PET117: variants seen among roughly 807,000 people sequenced by gnomAD.
The protein encoded by PET117 is PET117 cytochrome c oxidase chaperone, also known as protein PET117 homolog, mitochondrial.
PET117 carries 10 observed loss-of-function variants against 9.2 expected under a neutral mutation model. The observed-to-expected ratio is 1.09, with a 90% CI of 0.67 to 1.85. The LOEUF (loss-of-function observed/expected upper bound fraction) is 1.85, where lower values mean the gene tolerates loss of function less well. Among genes scored for constraint, PET117 ranks in the 40% most tolerant of loss-of-function variants. PET117 has a pLI of 0.00. For missense variants in PET117, 96 were observed against 98.2 expected, an observed-to-expected ratio of 0.98 and a Z score of 0.09; for synonymous variants, 43 against 37.1, an observed-to-expected ratio of 1.16 and a Z score of -0.57.
rs184370918 is a variant in PET117 at position 18,138,018 on chromosome 20, C to T, written c.63C>T (p.Ala21=). 4.7e-3 allele frequency: 6,996 copies of T among 1,498,000 alleles called. 24 individuals carry two copies. Among genetic ancestry groups the T allele is most frequent in the Non-Finnish European group, 5.3e-3 (5,970 of 1,130,182 alleles). The allele number at this position is 1,498,000 out of a possible 1,614,324, so 92.8% of individuals were successfully genotyped here. A position where few individuals can be genotyped will look rare whatever the true frequency, so the allele number is the denominator to read the frequency against. Reference sequence around the variant, plus strand: ...TGCTGCTGACGGCGGCCACAGTGGCCGGCGTACATGTGAAGCAGCAGTGGG... The same window carrying T: ...TGCTGCTGACGGCGGCCACAGTGGCTGGCGTACATGTGAAGCAGCAGTGGG... ...LSVLLTAATV[A]GVHVKQQWDQ... Residue 21 remains alanine, a synonymous_variant, in exon 1 of 2, where the codon GCC becomes GCT. Transcript: ENST00000432901.
In PET117 at chr20:18,142,419, G is replaced by A. The variant is rs534345759; in HGVS notation, c.*62G>A. 130 of 1,483,054 alleles carry A rather than the reference G, an allele frequency of 8.8e-5. No homozygotes were observed. The African/African-American group carries it at 1.7e-3, about 19-fold the overall frequency. 91.9% of individuals were successfully genotyped at this position (1,483,054 alleles called of 1,614,324 possible). A position where few individuals can be genotyped will look rare whatever the true frequency, so the allele number is the denominator to read the frequency against. ...GTTTGTGTGTGTGTGTTGATGGAGA[G>A]TAGCTTAGTAGTATCTTCATCTTTT... On this transcript the variant is annotated 3_prime_UTR_variant, in exon 2 of 2. Coordinates refer to ENST00000432901, the MANE Select transcript of PET117 (RefSeq NM_001164811.2).
rs1274224716 is a variant in PET117 at position 18,138,212 on chromosome 20, G to A, written c.96+161G>A. 10 of 1,265,362 alleles carry A rather than the reference G, an allele frequency of 7.9e-6. No homozygotes were observed. In the East Asian group the frequency reaches 3.2e-4, roughly 41 times the overall value. The allele number at this position is 1,265,362 out of a possible 1,614,324, so 78.4% of individuals were successfully genotyped here. On this transcript the variant is annotated intron_variant, in intron 1 of 1. Transcript: ENST00000432901. ...GCGTTTGCGGCTGCGGCCGGCGGCC[G>A]CTCTGCTGGGCTCCGGGCGCTGCAG... is the stretch of plus-strand genomic sequence containing the variant.
chr20:18,137,938 G>C lies in PET117; in HGVS notation c.-18G>C, dbSNP rs1430828376. 6.8e-7 allele frequency: 1 copy of C among 1,478,544 alleles called. No homozygotes were observed. The highest frequency in any genetic ancestry group is 2.4e-5 in the Admixed American group (1 of 41,320). The allele number at this position is 1,478,544 out of a possible 1,614,324, so 91.6% of individuals were successfully genotyped here. A position where few individuals can be genotyped will look rare whatever the true frequency, so the allele number is the denominator to read the frequency against. On this transcript the variant is annotated 5_prime_UTR_variant, in exon 1 of 2. Transcript: ENST00000432901. ...CTCGGGCGGGCGGGAGAGAGAGGCC[G>C]CGGCCGCCAGCGTGGGGATGTCTAG...
intron 1 of PET117, among the ~76,000 whole-genome samples, chr20:18,141,038 T>TTTTA (rs2037540920): frequency 6.6e-4 from 21 of 31,602 alleles, no homozygotes; most frequent in Admixed American, 1.3e-3. Flanking sequence ...TTTTTTTTTT[T>TTTTA]TTTTTTTTAT....
chr20:18,140,484 C>T (rs1236758838), intron 1 of PET117, among the ~76,000 whole-genome samples: 1 of 152,008 alleles, frequency 6.6e-6, no homozygotes, highest in African/African-American at 2.4e-5. Flanking sequence ...GGCCCCACTC[C>T]CATTAATTCT....
In PET117 at chr20:18,142,962, G is replaced by T. The variant is rs371840270; in HGVS notation, c.*605G>T. 187 of 1,596,994 alleles carry T rather than the reference G, an allele frequency of 1.2e-4. No individual in the cohort carries two copies. The highest frequency in any genetic ancestry group is 1.6e-4 in the Non-Finnish European group (183 of 1,167,124). ...TCCTTTGATTTGTCAATTCCTGTGT[G>T]AAGGTTTGTTTTTCCAACCTGTGAA... On this transcript the variant is annotated 3_prime_UTR_variant, in exon 2 of 2. Coordinates refer to ENST00000432901, the MANE Select transcript of PET117 (RefSeq NM_001164811.2).
chr20:18,140,851 CA>C (rs371306768), intron 1 of PET117, among the ~76,000 whole-genome samples: 28 of 126,612 alleles, frequency 2.2e-4, no homozygotes, highest in African/African-American at 7.7e-4. Flanking sequence ...TAAAACAAAA[CA>C]AAAAAAACCC....
chr20:18,138,518 C>T, intron 1 of PET117: 2 of 936,432 alleles, frequency 2.1e-6, no homozygotes, highest in Non-Finnish European at 2.5e-6. Context: ...GGGGTTAAAG[C>T]CTAATGTGTT....
intron 1 of PET117, among the ~76,000 whole-genome samples, chr20:18,139,637 TGTGTG>T (rs2037447547): frequency 3.1e-5 from 1 of 32,196 alleles, no homozygotes; most frequent in African/African-American, 2.3e-4. Context: ...AAATAACGTG[TGTGTG>T]TGTGTGTGTG....
At position 18,142,565 on chromosome 20, in the gene PET117, CTG is replaced by C; in HGVS notation, c.*210_*211del. 6.5e-7 allele frequency: 1 copy of C among 1,542,748 alleles called. No individual in the cohort carries two copies. The highest frequency in any genetic ancestry group is 8.7e-7 in the Non-Finnish European group (1 of 1,143,244). On this transcript the variant is annotated 3_prime_UTR_variant, in exon 2 of 2. Transcript: ENST00000432901. Reference sequence around the variant, plus strand: ...GTGGGCAGACACTTTTTGGAAGAGTCTGTCTGGGTGATCCTGGTAGAAGCCCC... The same window carrying C: ...GTGGGCAGACACTTTTTGGAAGAGTCTCTGGGTGATCCTGGTAGAAGCCCC...
intron 1 of PET117, among the ~76,000 whole-genome samples, chr20:18,140,108 C>T (rs1320685175): frequency 6.6e-6 from 1 of 151,728 alleles, no homozygotes; most frequent in African/African-American, 2.4e-5. Context: ...GCACACGTGA[C>T]ATCTCTGAGA....
At position 18,138,010 on chromosome 20, in the gene PET117, A is replaced by C. The variant is rs1303654149; in HGVS notation, c.55A>C (p.Thr19Pro). The change falls in exon 1 of 2, where the codon ACA becomes CCA. Residue 19 changes from threonine to proline, a missense_variant. Transcript: ENST00000432901. ...LGLSVLLTAA[T>P]VAGVHVKQQW... ...CCTCTCGGTGCTGCTGACGGCGGCC[A>C]CAGTGGCCGGCGTACATGTGAAGCA... The C allele has an allele frequency of 6.7e-7, 1 of 1,502,510 alleles. No individual in the cohort carries two copies. The highest frequency in any genetic ancestry group is 1.2e-5 in the South Asian group (1 of 80,594). 93.1% of individuals were successfully genotyped at this position (1,502,510 alleles called of 1,614,324 possible). A position where few individuals can be genotyped will look rare whatever the true frequency, so the allele number is the denominator to read the frequency against.
Position 18,137,946 on chromosome 20 carries a change from C to G in PET117, c.-10C>G. On this transcript the variant is annotated 5_prime_UTR_variant, in exon 1 of 2. Coordinates refer to ENST00000432901, the MANE Select transcript of PET117 (RefSeq NM_001164811.2). ...GGCGGGAGAGAGAGGCCGCGGCCGC[C>G]AGCGTGGGGATGTCTAGGAGCTCGA... 1 of 1,480,118 alleles carries G rather than the reference C, an allele frequency of 6.8e-7. No individual in the cohort carries two copies. 91.7% of individuals were successfully genotyped at this position (1,480,118 alleles called of 1,614,324 possible). A position where few individuals can be genotyped will look rare whatever the true frequency, so the allele number is the denominator to read the frequency against.
intron 1 of PET117, chr20:18,138,473 C>G (rs974316740): frequency 1.0e-6 from 1 of 988,980 alleles, no homozygotes; most frequent in Non-Finnish European, 1.2e-6. Context: ...GGGGTGCATT[C>G]TGCAAGCTAC....
At chr20:18,140,537 C>T (rs370789493) in intron 1 of PET117, among the ~76,000 whole-genome samples, 12 of 152,024 alleles carry the variant, frequency 7.9e-5, no homozygotes, top group East Asian at 3.9e-4. Flanking sequence ...TGGCCAGGCA[C>T]GGTAGCTCAT....
chr20:18,142,979 A>C lies in PET117; in HGVS notation c.*622A>C, dbSNP rs755016705. The C allele has an allele frequency of 2.5e-6, 4 of 1,585,310 alleles. No homozygotes were observed. Among genetic ancestry groups the C allele is most frequent in the South Asian group, 1.1e-5 (1 of 88,728 alleles). ...TCCTGTGTGAAGGTTTGTTTTTCCAACCTGTGAAAGAAACGTGAATGTAAA... is the reference window on the plus strand; with the variant it reads ...TCCTGTGTGAAGGTTTGTTTTTCCACCCTGTGAAAGAAACGTGAATGTAAA... On this transcript the variant is annotated 3_prime_UTR_variant, in exon 2 of 2. Transcript: ENST00000432901.
In PET117 at chr20:18,137,875, T is replaced by A; in HGVS notation, c.-81T>A. 1 of 1,373,126 alleles carries A rather than the reference T, an allele frequency of 7.3e-7. No homozygotes were observed. Among genetic ancestry groups the A allele is most frequent in the Non-Finnish European group, 9.5e-7 (1 of 1,054,542 alleles). The allele number at this position is 1,373,126 out of a possible 1,614,324, so 85.1% of individuals were successfully genotyped here. ...CGCTCGAGGGGTCGAGCCTGGGCAG[T>A]ACAGGCGGCGGTGCGCACTCTGCGG... On this transcript the variant is annotated 5_prime_UTR_variant, in exon 1 of 2. Coordinates refer to ENST00000432901, the MANE Select transcript of PET117 (RefSeq NM_001164811.2).
At chr20:18,138,343 A>G in intron 1 of PET117, 2 of 1,105,344 alleles carry the variant, frequency 1.8e-6, no homozygotes, top group African/African-American at 3.3e-5. Context: ...CAGGCACGGC[A>G]CGCAAGCTTT....
intron 1 of PET117, chr20:18,138,516 A>G (rs2037390514): frequency 2.1e-6 from 2 of 943,854 alleles, no homozygotes; most frequent in Non-Finnish European, 2.5e-6. Context: ...TTGGGGTTAA[A>G]GCCTAATGTG....
Sources: gnomAD v4.1 joint callset for allele counts (sites outside exome capture counted in the v4.1 genomes callset) on GRCh38, gnomAD v4.1.1 for gene constraint, MANE v1.5 for transcripts, NCBI Gene and HGNC (gene_info 2026-07-23, HGNC 2026-07-21) for gene names.